GUCY1A2: variants seen among roughly 807,000 people sequenced by gnomAD.
GUCY1A2 encodes the protein guanylate cyclase soluble subunit alpha-2.
GUCY1A2 carries 27 observed loss-of-function variants against 63.5 expected under a neutral mutation model. That is an observed-to-expected ratio of 0.43 (90% confidence interval 0.31 to 0.59). GUCY1A2 has a LOEUF of 0.59. Ranked by LOEUF, GUCY1A2 falls within the 20% of genes least tolerant of loss-of-function variation. The pLI, the probability that GUCY1A2 is intolerant of heterozygous loss-of-function variation, is 0.11. For synonymous variants in GUCY1A2, 364 were observed against 343.5 expected, an observed-to-expected ratio of 1.06 and a Z score of -0.66; for missense variants, 768 against 913.3, an observed-to-expected ratio of 0.84 and a Z score of 2.05.
chr11:106,904,533 G>C (rs1406442099), intron 4 of GUCY1A2, among the ~76,000 whole-genome samples: 1 of 151,896 alleles, frequency 6.6e-6, no homozygotes, highest in African/African-American at 2.4e-5. Context: ...ATTTCAGAGT[G>C]TTTCAAATTT....
At chr11:106,744,875 C>T (rs1379599530) in intron 6 of GUCY1A2, among the ~76,000 whole-genome samples, 1 of 152,022 alleles carries the variant, frequency 6.6e-6, no homozygotes, top group Non-Finnish European at 1.5e-5. Context: ...TCTCTTTGTC[C>T]TTAAACTGCT....
At chr11:107,015,742 C>T (rs2120223752) in intron 1 of GUCY1A2, among the ~76,000 whole-genome samples, 1 of 152,204 alleles carries the variant, frequency 6.6e-6, no homozygotes. Flanking sequence ...TACAGACGCT[C>T]GGGGTCATTG....
intron 7 of GUCY1A2, among the ~76,000 whole-genome samples, chr11:106,707,537 G>T (rs1862937893): frequency 6.6e-6 from 1 of 151,960 alleles, no homozygotes; most frequent in African/African-American, 2.4e-5. Context: ...GTGTGATAAA[G>T]TAAGACATTT....
At chr11:106,732,457 T>C (rs1465433465) in intron 6 of GUCY1A2, among the ~76,000 whole-genome samples, 1 of 152,158 alleles carries the variant, frequency 6.6e-6, no homozygotes, top group Non-Finnish European at 1.5e-5. Context: ...TAGCCTCATT[T>C]ATTGAATTTG....
chr11:106,843,185 A>C (rs1859224033), intron 4 of GUCY1A2, among the ~76,000 whole-genome samples: 1 of 151,978 alleles, frequency 6.6e-6, no homozygotes, highest in Non-Finnish European at 1.5e-5. Flanking sequence ...TGTAGAATGG[A>C]TGAGTAGCTT....
In GUCY1A2 at chr11:106,689,993, CA is replaced by C. The variant is rs36069018; in HGVS notation, c.1992-2238del. On this transcript the variant is annotated intron_variant, in intron 7 of 7. Coordinates refer to ENST00000526355, the MANE Select transcript of GUCY1A2 (RefSeq NM_000855.3). ...TGGGTGACAGAGCGAGACTCAGTCT[CA>C]AAAAAAAAAAAAAAGTAAAAAAATA... is the stretch of plus-strand genomic sequence containing the variant. Among the ~76,000 whole-genome samples, 405 of 106,758 alleles carry C rather than the reference CA, an allele frequency of 3.8e-3. 1 individual carries two copies. In the East Asian group the frequency reaches 0.039, roughly 10 times the overall value. 70.0% of individuals were successfully genotyped at this position (106,758 alleles called of 152,430 possible). A position where few individuals can be genotyped will look rare whatever the true frequency, so the allele number is the denominator to read the frequency against.
chr11:106,798,048 A>G (rs1864799017), intron 5 of GUCY1A2, among the ~76,000 whole-genome samples: 1 of 152,196 alleles, frequency 6.6e-6, no homozygotes, highest in Non-Finnish European at 1.5e-5. Flanking sequence ...AAAAGAAAGA[A>G]GAATCAAATA....
intron 4 of GUCY1A2, among the ~76,000 whole-genome samples, chr11:106,889,175 A>ATTT (rs1399066307): frequency 6.6e-6 from 1 of 152,150 alleles, no homozygotes; most frequent in Non-Finnish European, 1.5e-5. Context: ...CAAGGATAAA[A>ATTT]ACGTACTTTA....
At chr11:106,868,694 T>C (rs1859629996) in intron 4 of GUCY1A2, among the ~76,000 whole-genome samples, 1 of 152,146 alleles carries the variant, frequency 6.6e-6, no homozygotes, top group African/African-American at 2.4e-5. Context: ...AGGTAATTTA[T>C]AGATTCAATG....
chr11:106,821,934 G>T (rs1435467459), intron 4 of GUCY1A2, among the ~76,000 whole-genome samples: 1 of 152,080 alleles, frequency 6.6e-6, no homozygotes, highest in East Asian at 1.9e-4. Flanking sequence ...CAAGTCAGGG[G>T]TGTTTGTTTA....
intron 2 of GUCY1A2, among the ~76,000 whole-genome samples, chr11:106,982,129 C>A (rs1438067482): frequency 2.6e-5 from 4 of 152,016 alleles, no homozygotes; most frequent in African/African-American, 9.7e-5. Flanking sequence ...TTTTAAGTAA[C>A]CTTCCCAAGA....
chr11:106,800,666 C>G (rs1003648035), intron 5 of GUCY1A2, among the ~76,000 whole-genome samples: 1 of 152,000 alleles, frequency 6.6e-6, no homozygotes, highest in Non-Finnish European at 1.5e-5. Context: ...CATGTTCTCA[C>G]TCATATGTGG....
chr11:107,001,757 G>A lies in GUCY1A2; in HGVS notation c.304-15626C>T, dbSNP rs989007464. On this transcript the variant is annotated intron_variant, in intron 1 of 7. Transcript: ENST00000526355. The stretch of plus-strand genomic sequence containing the variant: ...TTATTGCCCAGGCACAGTGACTCTC[G>A]CCTGTAATCCCAGAACTTTGGGAGG... Among the ~76,000 whole-genome samples, 7 of 151,944 alleles carry A rather than the reference G, an allele frequency of 4.6e-5. No individual in the cohort carries two copies. The South Asian group carries it at 6.2e-4, about 14-fold the overall frequency.
chr11:106,767,966 G>A (rs79849878), intron 6 of GUCY1A2, among the ~76,000 whole-genome samples: 1,538 of 152,020 alleles, frequency 0.01, 27 homozygotes, highest in African/African-American at 0.034. Flanking sequence ...AATATAAAAC[G>A]TTTAAATATG....
intron 6 of GUCY1A2, among the ~76,000 whole-genome samples, chr11:106,758,112 C>T (rs775594001): frequency 5.9e-5 from 9 of 152,290 alleles, no homozygotes; most frequent in South Asian, 2.1e-4. Flanking sequence ...CCACCCAGTT[C>T]GAGCTTACTG....
intron 2 of GUCY1A2, among the ~76,000 whole-genome samples, chr11:106,982,423 A>C (rs993456343): frequency 2.0e-5 from 3 of 152,150 alleles, no homozygotes; most frequent in Non-Finnish European, 4.4e-5. Flanking sequence ...TTAAAGAGCA[A>C]CTAACATAAA....
chr11:106,759,246 T>C (rs1049220643), intron 6 of GUCY1A2, among the ~76,000 whole-genome samples: 4 of 152,146 alleles, frequency 2.6e-5, no homozygotes, highest in African/African-American at 7.2e-5. Flanking sequence ...TAAGGCCCAG[T>C]TGAGTTCAAA....
rs562926958 is a variant in GUCY1A2 at position 106,958,779 on chromosome 11, T to C, written c.488-18601A>G. Among the ~76,000 whole-genome samples, 7 of 152,338 alleles carry C rather than the reference T, an allele frequency of 4.6e-5. No homozygotes were observed. The East Asian group carries it at 1.4e-3, about 29-fold the overall frequency. Reference sequence around the variant, plus strand: ...ACTTTTATGCCAGGATTACAGTCTTTTGTGTATATGTGCTCTAACCTGGGA... The same window carrying C: ...ACTTTTATGCCAGGATTACAGTCTTCTGTGTATATGTGCTCTAACCTGGGA... On this transcript the variant is annotated intron_variant, in intron 3 of 7. Coordinates refer to ENST00000526355, the MANE Select transcript of GUCY1A2 (RefSeq NM_000855.3).
At chr11:106,824,111 A>C (rs900237820) in intron 4 of GUCY1A2, 1 of 1,510,030 alleles carries the variant, frequency 6.6e-7, no homozygotes, top group African/African-American at 1.4e-5. Context: ...TAGGACCTAA[A>C]GCTAATCTTC....
Sources: gnomAD v4.1 joint callset for allele counts (sites outside exome capture counted in the v4.1 genomes callset) on GRCh38, gnomAD v4.1.1 for gene constraint, MANE v1.5 for transcripts, NCBI Gene and HGNC (gene_info 2026-07-23, HGNC 2026-07-21) for gene names.